The following CTDSPL variants were observed in gnomAD, a reference collection of about 807,000 sequenced individuals.
The protein encoded by CTDSPL is CTD small phosphatase like.
Under a neutral mutation model 30.5 loss-of-function variants are expected in CTDSPL, and 8 were observed. That is an observed-to-expected ratio of 0.26 (90% CI 0.15 to 0.47). The LOEUF (loss-of-function observed/expected upper bound fraction) is 0.47. Ranked by LOEUF, CTDSPL falls within the 20% of genes least tolerant of loss-of-function variation. CTDSPL has a pLI of 0.99. For missense variants in CTDSPL, 248 were observed against 366.1 expected, an observed-to-expected ratio of 0.68 and a Z score of 2.63; for synonymous variants, 110 against 137.9, an observed-to-expected ratio of 0.80 and a Z score of 1.42.
chr3:37,906,669 G>A (rs976550302), intron 1 of CTDSPL, among the ~76,000 whole-genome samples: 1 of 152,164 alleles, frequency 6.6e-6, no homozygotes, highest in Non-Finnish European at 1.5e-5. Context: ...AGCCACTGAT[G>A]CCCTGGTAGA....
intron 2 of CTDSPL, among the ~76,000 whole-genome samples, chr3:37,952,446 C>T (rs1313559512): frequency 2.0e-5 from 3 of 152,274 alleles, no homozygotes; most frequent in South Asian, 2.1e-4. Flanking sequence ...ATCTCAAAGT[C>T]GCAAGCTTCA....
chr3:37,941,580 G>T lies in CTDSPL; in HGVS notation c.80-5477G>T, dbSNP rs550612026. ...AATTTTTGTATTCTTAGTAGAAACAGGGTTTCGCCATGTTGTCCAGGCTGG... is the reference window on the plus strand; with the variant it reads ...AATTTTTGTATTCTTAGTAGAAACATGGTTTCGCCATGTTGTCCAGGCTGG... On this transcript the variant is annotated intron_variant, in intron 1 of 7. Transcript: ENST00000273179. Among the ~76,000 whole-genome samples the T allele has an allele frequency of 1.9e-4, 29 of 150,012 alleles. 5 individuals carry two copies. The South Asian group carries it at 4.1e-3, about 21-fold the overall frequency.
intron 1 of CTDSPL, among the ~76,000 whole-genome samples, chr3:37,902,698 A>G (rs1311896533): frequency 6.6e-6 from 1 of 152,100 alleles, no homozygotes; most frequent in African/African-American, 2.4e-5. Context: ...ACCCCCCACA[A>G]GGAGGCAACA....
chr3:37,919,435 T>C (rs1698688516), intron 1 of CTDSPL, among the ~76,000 whole-genome samples: 2 of 152,218 alleles, frequency 1.3e-5, no homozygotes, highest in South Asian at 4.1e-4. Context: ...TAACACAACA[T>C]GACAGAAAGA....
intron 1 of CTDSPL, among the ~76,000 whole-genome samples, chr3:37,894,323 T>C (rs1329557436): frequency 1.3e-5 from 2 of 151,830 alleles, no homozygotes; most frequent in African/African-American, 4.8e-5. Context: ...CCCAGGCCGA[T>C]CTCAAACTCT....
rs1698934704 is a variant in CTDSPL, at chr3:37,938,018, T to C, written c.80-9039T>C. Among the ~76,000 whole-genome samples the C allele has an allele frequency of 1.3e-5, 2 of 150,492 alleles. 1 individual carries two copies. Among genetic ancestry groups the C allele is most frequent in the South Asian group, 4.3e-4 (2 of 4,688 alleles). On this transcript the variant is annotated intron_variant, in intron 1 of 7. Transcript: ENST00000273179. ...AGAAATGAAAGGCAAGCCTTTGTTTTCTGTAGCTACCAAGTTGTAGTTTCT... is the reference window on the plus strand; with the variant it reads ...AGAAATGAAAGGCAAGCCTTTGTTTCCTGTAGCTACCAAGTTGTAGTTTCT...
At chr3:37,969,373 G>A (rs1393688663) in intron 5 of CTDSPL, 1 of 517,370 alleles carries the variant, frequency 1.9e-6, no homozygotes, top group Non-Finnish European at 4.0e-6. Context: ...CAGGAGCCAA[G>A]AGCAGGAGGA....
intron 1 of CTDSPL, among the ~76,000 whole-genome samples, chr3:37,877,884 AT>A (rs1248660850): frequency 6.6e-6 from 1 of 152,094 alleles, no homozygotes; most frequent in Non-Finnish European, 1.5e-5. Flanking sequence ...ACTCATTTCC[AT>A]GGGGAGGGCA....
intron 5 of CTDSPL, among the ~76,000 whole-genome samples, chr3:37,970,731 T>G (rs1699357390): frequency 6.6e-6 from 1 of 152,198 alleles, no homozygotes. Context: ...AAAAGGCTAC[T>G]CTTTGCACCC....
chr3:37,882,030 G>A (rs895466884), intron 1 of CTDSPL, among the ~76,000 whole-genome samples: 1 of 152,144 alleles, frequency 6.6e-6, no homozygotes, highest in Non-Finnish European at 1.5e-5. Context: ...ATATTAGGCC[G>A]GGCGTGGTGG....
At chr3:37,945,264 A>G (rs1248713874) in intron 1 of CTDSPL, among the ~76,000 whole-genome samples, 1 of 150,286 alleles carries the variant, frequency 6.7e-6, no homozygotes, top group African/African-American at 2.4e-5. Context: ...TTCTCTCCCT[A>G]TTTGGCATGT....
chr3:37,951,287 G>T (rs1031630052), intron 2 of CTDSPL, among the ~76,000 whole-genome samples: 16 of 152,068 alleles, frequency 1.1e-4, no homozygotes, highest in African/African-American at 3.9e-4. Context: ...AGAATGGTGT[G>T]AACCCAGGAG....
At chr3:37,912,886 T>C (rs557775981) in intron 1 of CTDSPL, among the ~76,000 whole-genome samples, 1 of 152,390 alleles carries the variant, frequency 6.6e-6, no homozygotes, top group South Asian at 2.1e-4. Context: ...ATAATTGCTA[T>C]GTGCTAGATA....
chr3:37,976,016 G>C lies in CTDSPL; in HGVS notation c.705+122G>C, dbSNP rs1699423266. On this transcript the variant is annotated intron_variant, in intron 7 of 7. Transcript: ENST00000273179. ...TGGGCCTTTTCCTAATGAAATCCCA[G>C]CTCTGCCATTTAGCAGTTGCGTGTC... 2.1e-5 allele frequency: 22 copies of C among 1,060,844 alleles called. No homozygotes were observed. In the South Asian group the frequency reaches 2.7e-4, roughly 13 times the overall value. The allele number at this position is 1,060,844 out of a possible 1,614,324, so 65.7% of individuals were successfully genotyped here.
chr3:37,957,612 G>A (rs1044905569), intron 3 of CTDSPL, among the ~76,000 whole-genome samples: 2 of 152,188 alleles, frequency 1.3e-5, no homozygotes, highest in Non-Finnish European at 2.9e-5. Flanking sequence ...GTGGTAGCAT[G>A]GCTGTAGCTC....
chr3:37,967,974 A>G (rs1160747422), intron 5 of CTDSPL, 92 bp downstream of exon 5: 1 of 883,004 alleles, frequency 1.1e-6, no homozygotes. Context: ...CATTTCAGTA[A>G]TAACTTTATT....
At chr3:37,927,707 A>ATAT (rs1559636073) in intron 1 of CTDSPL, among the ~76,000 whole-genome samples, 1,805 of 134,944 alleles carry the variant, frequency 0.013, 34 homozygotes, top group African/African-American at 0.016. Context: ...TATATATATA[A>ATAT]AAAATGAAAT....
rs1311485938 is a variant in CTDSPL at position 37,984,377 on chromosome 3, A to G, written c.*3510A>G. 2.2e-6 allele frequency: 1 copy of G among 446,598 alleles called. No individual in the cohort carries two copies. Among genetic ancestry groups the G allele is most frequent in the Non-Finnish European group, 4.6e-6 (1 of 219,252 alleles). The allele number at this position is 446,598 out of a possible 1,614,324, so 27.7% of individuals were successfully genotyped here. ...TCCAGCATTACTTAGGAAATGCTAC[A>G]TGCGGAATGTGCACGTTTCCAGGGG... On this transcript the variant is annotated 3_prime_UTR_variant, in exon 8 of 8. Coordinates refer to ENST00000273179, the MANE Select transcript of CTDSPL (RefSeq NM_001008392.2).
intron 1 of CTDSPL, among the ~76,000 whole-genome samples, chr3:37,906,936 A>G (rs559471236): frequency 4.6e-5 from 7 of 152,280 alleles, no homozygotes; most frequent in Admixed American, 3.9e-4. Context: ...CTGTGTTCAA[A>G]CTGCTTTGTT....
Sources: allele counts gnomAD v4.1 joint callset (sites outside exome capture counted in the v4.1 genomes callset), GRCh38; gene constraint gnomAD v4.1.1; transcripts MANE v1.5; gene names NCBI Gene and HGNC (gene_info 2026-07-23, HGNC 2026-07-21).